Variants in TAF6 observed in about 807,000 individuals in gnomAD.
TAF6 encodes transcription initiation factor TFIID subunit 6.
TAF6 carries 50 observed loss-of-function variants against 73.5 expected under a neutral mutation model. That is an observed-to-expected ratio of 0.68 (90% CI 0.54 to 0.86). TAF6 has a LOEUF of 0.86. Ranked by LOEUF, TAF6 falls within the 40% of genes least tolerant of loss-of-function variation. The pLI is 0.00. For synonymous variants in TAF6, 424 were observed against 376.7 expected (o/e 1.13, Z -1.45); for missense variants, 768 against 899.5 (o/e 0.85, Z 1.87).
chr7:100,114,918 G>A (rs1264127042), intron 1 of TAF6, among the ~76,000 whole-genome samples: 1 of 152,168 alleles, frequency 6.6e-6, no homozygotes, highest in Non-Finnish European at 1.5e-5. Flanking sequence ...AGGAGGCAGA[G>A]GTGGGAAAAC....
chr7:100,122,645 C>T (rs1272968109), upstream of TAF6: 14 of 1,515,476 alleles, frequency 9.2e-6, no homozygotes, highest in African/African-American at 1.7e-4. Flanking sequence ...TGAGGCCCTC[C>T]AGAGGTTATC....
In TAF6 at chr7:100,113,331, G is replaced by T. The variant is rs1430639240; in HGVS notation, c.454+18C>A. 6.3e-6 allele frequency: 10 copies of T among 1,574,966 alleles called. 1 individual carries two copies. The highest frequency in any genetic ancestry group is 5.8e-5 in the South Asian group (5 of 86,840). ...GGAAAGGGACCCAGAGACCCAGAGG[G>T]TGGGGCATGGAGGTTACCTGGGGGC... is the stretch of plus-strand genomic sequence containing the variant. On this transcript the variant is annotated intron_variant, in intron 5 of 14. Transcript: ENST00000453269.
chr7:100,112,530 G>C (rs968826883), intron 6 of TAF6, among the ~76,000 whole-genome samples: 14 of 152,148 alleles, frequency 9.2e-5, no homozygotes, highest in African/African-American at 3.4e-4. Flanking sequence ...GGCCAACATA[G>C]CAAAACCCTG....
At chr7:100,109,613 C>T (rs191863545) in intron 12 of TAF6, among the ~76,000 whole-genome samples, 2 of 148,154 alleles carry the variant, frequency 1.3e-5, no homozygotes, top group Admixed American at 1.4e-4. Context: ...CCTCCCACCT[C>T]GGCCTCCCTA....
In TAF6 at chr7:100,113,870, C is replaced by T. The variant is rs1275014337; in HGVS notation, c.241G>A (p.Glu81Lys). 1 of 1,613,742 alleles carries T rather than the reference C, an allele frequency of 6.2e-7. No homozygotes were observed. Among genetic ancestry groups the T allele is most frequent in the Non-Finnish European group, 8.5e-7 (1 of 1,179,956 alleles). ...IDYALKLKNV[E>K]PLYGFHAQEF... Reference sequence around the variant, plus strand: ...CCCCGCCTGTCTCCCCAAATCACCTCGACATTCTTTAGCTTCAAGGCGTAG... The same window carrying T: ...CCCCGCCTGTCTCCCCAAATCACCTTGACATTCTTTAGCTTCAAGGCGTAG... Residue 81 changes from glutamate to lysine, a missense_variant and splice_region_variant, in exon 3 of 15, where the codon GAG becomes AAG. By Grantham distance (56) the Glu-to-Lys change is moderately conservative. Coordinates refer to ENST00000453269, the MANE Select transcript of TAF6 (RefSeq NM_139315.3).
At chr7:100,123,828 A>G (rs1798145469), upstream of TAF6, among the ~76,000 whole-genome samples, 1 of 152,154 alleles carries the variant, frequency 6.6e-6, no homozygotes, top group Non-Finnish European at 1.5e-5. Flanking sequence ...CCTTAAGGAA[A>G]ATTTTTAAAA....
chr7:100,118,985 A>G, intron 1 of TAF6: 8 of 985,494 alleles, frequency 8.1e-6, no homozygotes, highest in Non-Finnish European at 9.6e-6. Flanking sequence ...GTAAAGGCTC[A>G]TAAAACACGC....
rs762313591 is a variant in TAF6, at chr7:100,110,090, G to C, written c.1159-17C>G. 211 of 1,613,856 alleles carry C rather than the reference G, an allele frequency of 1.3e-4. No homozygotes were observed. The highest frequency in any genetic ancestry group is 1.7e-4 in the Non-Finnish European group (197 of 1,179,982). ...CTTGATAACCTGTTAGAAGGGAAAAGGACAAGCAAAAGCCGGAGGGTCACC... is the reference window on the plus strand; with the variant it reads ...CTTGATAACCTGTTAGAAGGGAAAACGACAAGCAAAAGCCGGAGGGTCACC... On this transcript the variant is annotated splice_polypyrimidine_tract_variant and intron_variant, in intron 11 of 14. Coordinates refer to ENST00000453269, the MANE Select transcript of TAF6 (RefSeq NM_139315.3).
At chr7:100,108,708 T>C (rs1584537115) in intron 12 of TAF6, 168 bp from the exon 13 acceptor site, 1 of 663,122 alleles carries the variant, frequency 1.5e-6, no homozygotes, top group Non-Finnish European at 2.5e-6. Flanking sequence ...ACTATTAGTG[T>C]GTGTACAGAA....
upstream of TAF6, chr7:100,121,113 T>TATATATATAC (rs1562938318): frequency 2.8e-5 from 1 of 35,130 alleles, no homozygotes; most frequent in Non-Finnish European, 5.3e-5. Flanking sequence ...TATATATATA[T>TATATATATAC]ATATTTTTTT....
chr7:100,108,554 A>G lies in TAF6; in HGVS notation c.1285-14T>C. On this transcript the variant is annotated splice_polypyrimidine_tract_variant and intron_variant, in intron 12 of 14. Transcript: ENST00000453269. ...AGCACAGTGTTTCTGCAGAACAGAA[A>G]AAAAGCCAGGTAGAGGGAGGGCTGG... The G allele has an allele frequency of 6.3e-7, 1 of 1,583,746 alleles. No homozygotes were observed. The highest frequency in any genetic ancestry group is 8.6e-7 in the Non-Finnish European group (1 of 1,159,576).
At chr7:100,125,233 C>A in the TAF6 span, 1 of 244,006 alleles carries the variant, frequency 4.1e-6, no homozygotes, top group Non-Finnish European at 8.0e-6. Flanking sequence ...GGGGAAGTCA[C>A]TTAGCTCCTT....
At position 100,108,459 on chromosome 7, in the gene TAF6, C is replaced by T; in HGVS notation, c.1366G>A (p.Gly456Arg). ...ACCACCTGGGAGCAGAGGAGGGGCC[C>T]AAGGGACCCGAATTCTGCCCGATAG... is the stretch of plus-strand genomic sequence containing the variant. ...DAYRAEFGSL[G>R]PLLCSQVVKA... Residue 456 changes from glycine to arginine, a missense_variant, in exon 13 of 15, where the codon GGG becomes AGG. By Grantham distance (125) the Gly-to-Arg change is moderately radical. Around this residue, in one of 5 missense-constraint regions of TAF6, gnomAD observed 350 missense variants for 352.3 expected, o/e 0.99. Transcript: ENST00000453269. The T allele has an allele frequency of 6.2e-7, 1 of 1,614,000 alleles. No individual in the cohort carries two copies. Among genetic ancestry groups the T allele is most frequent in the Non-Finnish European group, 8.5e-7 (1 of 1,179,928 alleles).
chr7:100,114,603 C>T lies in TAF6; in HGVS notation c.-59-335G>A. The stretch of plus-strand genomic sequence containing the variant: ...GGCGTGGTAGTGCACACCTGTAATC[C>T]CAGCTACTAGGGAGACTAAGGCACG... On this transcript the variant is annotated intron_variant, in intron 1 of 14. Transcript: ENST00000453269. 6.0e-5 allele frequency: 32 copies of T among 532,134 alleles called. No individual in the cohort carries two copies. In the South Asian group the frequency reaches 7.1e-4, roughly 12 times the overall value. The allele number at this position is 532,134 out of a possible 1,614,324, so 33.0% of individuals were successfully genotyped here. A position where few individuals can be genotyped will look rare whatever the true frequency, so the allele number is the denominator to read the frequency against.
At position 100,107,203 on chromosome 7, in the gene TAF6, CAT is replaced by C; in HGVS notation, c.*41_*42del. The C allele has an allele frequency of 6.6e-7, 1 of 1,519,202 alleles. No homozygotes were observed. The highest frequency in any genetic ancestry group is 8.8e-7 in the Non-Finnish European group (1 of 1,136,578). The allele number at this position is 1,519,202 out of a possible 1,614,324, so 94.1% of individuals were successfully genotyped here. The stretch of plus-strand genomic sequence containing the variant: ...GCATGTGTGTACGTGCACGTGTGTA[CAT>C]GTCTGCATGTGTGGGAATCCGGGGG... On this transcript the variant is annotated 3_prime_UTR_variant, in exon 15 of 15. Transcript: ENST00000453269.
At chr7:100,114,296 A>G in intron 1 of TAF6, 28 bp from the exon 2 acceptor site, 1 of 1,605,372 alleles carries the variant, frequency 6.2e-7, no homozygotes, top group South Asian at 1.1e-5. Context: ...CAGGCAGAAG[A>G]AAAAGAAACG....
upstream of TAF6, chr7:100,124,690 CTAA>C: frequency 6.2e-7 from 1 of 1,613,054 alleles, no homozygotes. Context: ...GCCTCCAGGA[CTAA>C]TATCTAAATT....
At chr7:100,115,835 G>T (rs747788643) in intron 1 of TAF6, among the ~76,000 whole-genome samples, 8 of 151,996 alleles carry the variant, frequency 5.3e-5, no homozygotes. Context: ...GCTTGGCGTG[G>T]TGGCACGCAC....
Position 100,119,211 on chromosome 7 carries a change from T to C in TAF6, c.-67A>G, listed in dbSNP as rs1797931785. 2.0e-6 allele frequency: 2 copies of C among 991,418 alleles called. No individual in the cohort carries two copies. Among genetic ancestry groups the C allele is most frequent in the Admixed American group, 6.1e-5 (1 of 16,442 alleles). The allele number at this position is 991,418 out of a possible 1,614,324, so 61.4% of individuals were successfully genotyped here. Reference sequence around the variant, plus strand: ...CACAGACACACAACCAACCGTCCTCTTTCCAGTCCCCACAAGGGACCTTCA... The same window carrying C: ...CACAGACACACAACCAACCGTCCTCCTTCCAGTCCCCACAAGGGACCTTCA... On this transcript the variant is annotated 5_prime_UTR_variant, in exon 1 of 15. Transcript: ENST00000453269.
Sources: gnomAD v4.1 joint callset for allele counts (sites outside exome capture counted in the v4.1 genomes callset) on GRCh38, gnomAD v4.1.1 for gene constraint, gnomAD v4.1.1 regional missense constraint, MANE v1.5 for transcripts, NCBI Gene and HGNC (gene_info 2026-07-23, HGNC 2026-07-21) for gene names.